Variants in MCL1 observed in about 807,000 individuals in gnomAD.
The protein encoded by MCL1 is induced myeloid leukemia cell differentiation protein Mcl-1.
In MCL1, 4 loss-of-function variants were observed where a neutral mutation model predicts 24.2. The ratio of observed to expected loss-of-function variants is 0.17; its 90% CI spans 0.08 to 0.38. The LOEUF (loss-of-function observed/expected upper bound fraction) is 0.38. Ranked by LOEUF, MCL1 falls within the 10% of genes least tolerant of loss-of-function variation. MCL1 has a pLI of 1.00. For synonymous variants in MCL1, 248 were observed against 214.0 expected, an observed-to-expected ratio of 1.16 and a Z score of -1.39; for missense variants, 529 against 480.3, an observed-to-expected ratio of 1.10 and a Z score of -0.95.
Position 150,579,202 on chromosome 1 carries a change from T to C in MCL1, c.329A>G (p.Glu110Gly), listed in dbSNP as rs1294387883. The change falls in exon 1 of 3, where the codon GAG becomes GGG. Residue 110 changes from glutamate (E) to glycine (G), a missense_variant. By Grantham distance (98) the Glu-to-Gly change is moderately conservative. Coordinates refer to ENST00000369026, the MANE Select transcript of MCL1 (RefSeq NM_021960.5). ...GGCGTCAGCGGCCGGGGCTTCCATC[T>C]CCTCAAGCGGCGCCGCGCGGCGGGT... is the stretch of plus-strand genomic sequence containing the variant. ...APTRRAAPLEEMEAPAADAIM... is the reference protein window; with the variant it reads ...APTRRAAPLEGMEAPAADAIM... 7 of 1,590,386 alleles carry C rather than the reference T, an allele frequency of 4.4e-6. No homozygotes were observed. The highest frequency in any genetic ancestry group is 2.2e-5 in the East Asian group (1 of 44,502).
In MCL1 at chr1:150,577,142, T is replaced by A. The variant is rs988974605; in HGVS notation, c.*233A>T. 1.5e-5 allele frequency: 7 copies of A among 456,752 alleles called. No homozygotes were observed. Among genetic ancestry groups the A allele is most frequent in the Admixed American group, 7.1e-5 (2 of 28,296 alleles). The allele number at this position is 456,752 out of a possible 1,614,324, so 28.3% of individuals were successfully genotyped here. ...CCTCCATAGCTTCCCAAACAAAGTT[T>A]GTTTGTTGCTGAAACTGAACTTTGC... is the stretch of plus-strand genomic sequence containing the variant. On this transcript the variant is annotated 3_prime_UTR_variant, in exon 3 of 3. Coordinates refer to ENST00000369026, the MANE Select transcript of MCL1 (RefSeq NM_021960.5).
At position 150,575,050 on chromosome 1, in the gene MCL1, CA is replaced by C. The variant is rs957531979; in HGVS notation, c.*2324del. The stretch of plus-strand genomic sequence containing the variant: ...ATTGGGAAGTGGGGCCCCTAAAAAC[CA>C]ATTCACATCTATGCACTTGTTTCCA... On this transcript the variant is annotated 3_prime_UTR_variant, in exon 3 of 3. Transcript: ENST00000369026. 2 of 233,228 alleles carry C rather than the reference CA, an allele frequency of 8.6e-6. No homozygotes were observed. Among genetic ancestry groups the C allele is most frequent in the African/African-American group, 4.4e-5 (2 of 45,296 alleles). 14.4% of individuals were successfully genotyped at this position (233,228 alleles called of 1,614,324 possible).
chr1:150,574,873 G>A lies in MCL1; in HGVS notation c.*2502C>T, dbSNP rs899034752. The A allele has an allele frequency of 6.0e-5, 14 of 233,210 alleles. No homozygotes were observed. In the Admixed American group the frequency reaches 6.8e-4, roughly 11 times the overall value. The allele number at this position is 233,210 out of a possible 1,614,324, so 14.4% of individuals were successfully genotyped here. A position where few individuals can be genotyped will look rare whatever the true frequency, so the allele number is the denominator to read the frequency against. On this transcript the variant is annotated 3_prime_UTR_variant, in exon 3 of 3. Coordinates refer to ENST00000369026, the MANE Select transcript of MCL1 (RefSeq NM_021960.5). ...TTTGCCCGAACTACGTAGCCAGTCA[G>A]CACTTAGACCACCTGCCTCCTCCTC...
intron 2 of MCL1, 106 bp downstream of exon 2, chr1:150,578,138 A>T: frequency 7.9e-7 from 1 of 1,269,574 alleles, no homozygotes; most frequent in Non-Finnish European, 1.1e-6. Flanking sequence ...TAGAGCCTGC[A>T]AACAGCCGTG....
At chr1:150,578,653 G>A (rs1570982387) in intron 1 of MCL1, 162 bp from the exon 2 acceptor site, 1 of 1,040,484 alleles carries the variant, frequency 9.6e-7, no homozygotes, top group Non-Finnish European at 1.4e-6. Flanking sequence ...TTGAACAAGA[G>A]CTGCCATTTC....
chr1:150,576,199 A>C lies in MCL1; in HGVS notation c.*1176T>G, dbSNP rs2101690951. On this transcript the variant is annotated 3_prime_UTR_variant, in exon 3 of 3. Coordinates refer to ENST00000369026, the MANE Select transcript of MCL1 (RefSeq NM_021960.5). ...TGAAAATCTTTTAGTAAAAGCTTTA[A>C]AGATGAGCCCATGAATTCACTTTAA... 1 of 233,286 alleles carries C rather than the reference A, an allele frequency of 4.3e-6. No individual in the cohort carries two copies. The highest frequency in any genetic ancestry group is 6.1e-5 in the East Asian group (1 of 16,474). The allele number at this position is 233,286 out of a possible 1,614,324, so 14.5% of individuals were successfully genotyped here.
At position 150,579,440 on chromosome 1, in the gene MCL1, G is replaced by C. The variant is rs1188100637; in HGVS notation, c.91C>G (p.Pro31Ala). ...TCCGTAGCCAAAAGTCGCCCTCCCG[G>C]GCGGGTGGCGCCGCCGCTGCCGGCC... ...LGAGSGGATR[P>A]GGRLLATEKE... is the part of the protein sequence containing the mutation. The change falls in exon 1 of 3, where the codon CCG becomes GCG. Residue 31 changes from proline to alanine, a missense_variant. Physicochemically the swap from Pro to Ala is conservative, Grantham distance 27. Transcript: ENST00000369026. 6.3e-7 allele frequency: 1 copy of C among 1,589,830 alleles called. No individual in the cohort carries two copies. The highest frequency in any genetic ancestry group is 1.4e-5 in the African/African-American group (1 of 72,088).
Position 150,578,895 on chromosome 1 carries a change from G to T in MCL1, c.636C>A (p.Thr212=), listed in dbSNP as rs142656652. ...SGATSRKALE[T]LRRVGDGVQR... ...GCACGCCATCCCCAACCCGTCGTAA[G>T]GTCTCCAGCGCCTTCCTGCTGGTGG... Residue 212 remains threonine, a synonymous_variant, in exon 1 of 3, where the codon ACC becomes ACA. Coordinates refer to ENST00000369026, the MANE Select transcript of MCL1 (RefSeq NM_021960.5). 81 of 1,613,866 alleles carry T rather than the reference G, an allele frequency of 5.0e-5. No homozygotes were observed. The African/African-American group carries it at 6.9e-4, about 14-fold the overall frequency.
chr1:150,577,380 T>C lies in MCL1; in HGVS notation c.1048A>G (p.Arg350Gly). The C allele has an allele frequency of 6.2e-7, 1 of 1,613,468 alleles. No individual in the cohort carries two copies. Among genetic ancestry groups the C allele is most frequent in the African/African-American group, 1.3e-5 (1 of 75,016 alleles). ...GVGAGLAYLI[R>G] is the part of the protein sequence containing the mutation. ...CTATTGCACTTACAGTAAGGCTATC[T>C]TATTAGATATGCCAAACCAGCTCCT... The change falls in exon 3 of 3, where the codon AGA (arginine) becomes GGA (glycine). Residue 350 changes from arginine to glycine, a missense_variant. Arg to Gly is a moderately radical substitution (Grantham distance 125, BLOSUM62 -2). Transcript: ENST00000369026.
chr1:150,578,124 TAGTTA>T, intron 2 of MCL1, 115 bp downstream of exon 2: 1 of 1,068,232 alleles, frequency 9.4e-7, no homozygotes, highest in Non-Finnish European at 1.4e-6. Context: ...AATGGTCCTT[TAGTTA>T]GAGCCTGCAA....
At chr1:150,578,531 G>C (rs773353339) in intron 1 of MCL1, 40 bp from the exon 2 acceptor site, 37 of 1,604,372 alleles carry the variant, frequency 2.3e-5, no homozygotes, top group Non-Finnish European at 2.9e-5. Context: ...GGCCTCCTTT[G>C]TCTAAACCGG....
chr1:150,578,649 A>G (rs1323606844), intron 1 of MCL1, 158 bp from the exon 2 acceptor site: 1 of 1,047,524 alleles, frequency 9.5e-7, no homozygotes, highest in Non-Finnish European at 1.4e-6. Flanking sequence ...GTCTTTGAAC[A>G]AGAGCTGCCA....
Position 150,579,094 on chromosome 1 carries a change from A to C in MCL1, c.437T>G (p.Leu146Trp). Reference protein sequence around the residue: ...KRPAVLPLLELVGESGNNTST... With the variant: ...KRPAVLPLLEWVGESGNNTST... ...GGTGTTATTACCAGATTCCCCGACC[A>C]ACTCCAGCAGCGGCAGGACAGCCGG... The change falls in exon 1 of 3, where the codon TTG becomes TGG. Residue 146 changes from leucine to tryptophan, a missense_variant. Coordinates refer to ENST00000369026, the MANE Select transcript of MCL1 (RefSeq NM_021960.5). 6.2e-7 allele frequency: 1 copy of C among 1,613,118 alleles called. No individual in the cohort carries two copies. Among genetic ancestry groups the C allele is most frequent in the Non-Finnish European group, 8.5e-7 (1 of 1,180,040 alleles).
At position 150,575,922 on chromosome 1, in the gene MCL1, G is replaced by GC. The variant is rs199858277; in HGVS notation, c.*1452dup. 4 of 233,558 alleles carry GC rather than the reference G, an allele frequency of 1.7e-5. No homozygotes were observed. The East Asian group carries it at 2.4e-4, about 14-fold the overall frequency. 14.5% of individuals were successfully genotyped at this position (233,558 alleles called of 1,614,324 possible). On this transcript the variant is annotated 3_prime_UTR_variant, in exon 3 of 3. Transcript: ENST00000369026. ...AACATCAAGACTGAAATCCAAAGAT[G>GC]CCAATGCAAAAACTTGCAACAAGGT...
Position 150,576,542 on chromosome 1 carries a change from CA to C in MCL1, c.*832del, listed in dbSNP as rs775407769. The stretch of plus-strand genomic sequence containing the variant: ...GTATACACTCTAGAACTGAACAGAA[CA>C]AAGTTTAGCATAGAAAAGCTGTAAG... On this transcript the variant is annotated 3_prime_UTR_variant, in exon 3 of 3. Transcript: ENST00000369026. 2.6e-5 allele frequency: 6 copies of C among 232,336 alleles called. No homozygotes were observed. The highest frequency in any genetic ancestry group is 4.3e-5 in the Non-Finnish European group (5 of 117,406). 14.4% of individuals were successfully genotyped at this position (232,336 alleles called of 1,614,324 possible). A position where few individuals can be genotyped will look rare whatever the true frequency, so the allele number is the denominator to read the frequency against.
rs372948653 is a variant in MCL1 at position 150,579,209 on chromosome 1, G to A, written c.322C>T (p.Leu108Phe). 7.0e-6 allele frequency: 11 copies of A among 1,576,688 alleles called. No individual in the cohort carries two copies. The highest frequency in any genetic ancestry group is 6.8e-5 in the African/African-American group (5 of 73,766). ...FFAPTRRAAPLEEMEAPAADA... is the reference protein window; with the variant it reads ...FFAPTRRAAPFEEMEAPAADA... ...GCGGCCGGGGCTTCCATCTCCTCAA[G>A]CGGCGCCGCGCGGCGGGTGGGCGCG... is the stretch of plus-strand genomic sequence containing the variant. The change falls in exon 1 of 3, where the codon CTT becomes TTT. Residue 108 changes from leucine to phenylalanine, a missense_variant. Coordinates refer to ENST00000369026, the MANE Select transcript of MCL1 (RefSeq NM_021960.5).
rs900035249 is a variant in MCL1, at chr1:150,579,099, C to T, written c.432G>A (p.Leu144=). ...LGKRPAVLPL[L]ELVGESGNNT... ...TATTACCAGATTCCCCGACCAACTC[C>T]AGCAGCGGCAGGACAGCCGGCCGCT... The change falls in exon 1 of 3, where the codon CTG becomes CTA. Residue 144 remains leucine (L), a synonymous_variant. Coordinates refer to ENST00000369026, the MANE Select transcript of MCL1 (RefSeq NM_021960.5). 6.2e-7 allele frequency: 1 copy of T among 1,613,116 alleles called. No homozygotes were observed. The highest frequency in any genetic ancestry group is 1.3e-5 in the African/African-American group (1 of 75,076).
At chr1:150,577,999 T>C in intron 2 of MCL1, among the ~76,000 whole-genome samples, 1 of 152,196 alleles carries the variant, frequency 6.6e-6, no homozygotes, top group East Asian at 1.9e-4. Flanking sequence ...CTGAAGAGTA[T>C]TCAACTGAAT....
chr1:150,578,554 C>G, intron 1 of MCL1, 63 bp from the exon 2 acceptor site: 1 of 1,587,742 alleles, frequency 6.3e-7, no homozygotes, highest in Non-Finnish European at 8.6e-7. Flanking sequence ...CAAGATTCGC[C>G]TGCCCACCCG....
Sources: gnomAD v4.1 joint callset for allele counts (sites outside exome capture counted in the v4.1 genomes callset) on GRCh38, gnomAD v4.1.1 for gene constraint, MANE v1.5 for transcripts, NCBI Gene and HGNC (gene_info 2026-07-23, HGNC 2026-07-21) for gene names.